NAA11: variants seen among roughly 807,000 people sequenced by gnomAD.
NAA11 encodes N-alpha-acetyltransferase 11, NatA catalytic subunit.
In NAA11, 15 loss-of-function variants were observed where a neutral mutation model predicts 16.1. The observed-to-expected ratio is 0.93, with a 90% CI of 0.62 to 1.44. The LOEUF is 1.44. NAA11 is among the 40% of genes most tolerant of loss of function. The pLI is 0.00. For synonymous variants in NAA11, 122 were observed against 112.4 expected (o/e 1.09, Z -0.54); for missense variants, 298 against 291.3 (o/e 1.02, Z -0.17).
chr4:79,283,398 G>A (rs1722839526), intron 2 of NAA11, among the ~76,000 whole-genome samples: 1 of 152,006 alleles, frequency 6.6e-6, no homozygotes, highest in African/African-American at 2.4e-5. Flanking sequence ...GGAAAGTGGT[G>A]GAGTGTACAG....
chr4:79,267,153 A>G (rs1417649201), intron 2 of NAA11, among the ~76,000 whole-genome samples: 1 of 152,204 alleles, frequency 6.6e-6, no homozygotes, highest in Non-Finnish European at 1.5e-5. Context: ...AAGCAAATTC[A>G]TTTACGTAGT....
At chr4:79,305,112 G>T (rs1476452649) in intron 1 of NAA11, 1 of 152,104 alleles carries the variant, frequency 6.6e-6, no homozygotes, top group Non-Finnish European at 1.5e-5. Flanking sequence ...GATGTTCTTT[G>T]GTTCTTCATG....
the NAA11 span, among the ~76,000 whole-genome samples, chr4:79,175,621 GT>G: frequency 6.6e-6 from 1 of 151,518 alleles, no homozygotes; most frequent in Non-Finnish European, 1.5e-5. Flanking sequence ...AACCCATGCA[GT>G]TTTCAGCCAT....
chr4:79,206,689 C>T, the NAA11 span, among the ~76,000 whole-genome samples: 2 of 152,086 alleles, frequency 1.3e-5, no homozygotes, highest in Non-Finnish European at 2.9e-5. Flanking sequence ...AAGTTGCTAG[C>T]CAGTCAAGAC....
chr4:79,304,848 G>C (rs961501799), intron 1 of NAA11, among the ~76,000 whole-genome samples: 1 of 152,132 alleles, frequency 6.6e-6, no homozygotes, highest in Non-Finnish European at 1.5e-5. Flanking sequence ...AGTATCTTGA[G>C]TATGCTATAC....
intron 2 of NAA11, among the ~76,000 whole-genome samples, chr4:79,283,638 G>A (rs1001528426): frequency 2.0e-5 from 3 of 152,056 alleles, no homozygotes; most frequent in African/African-American, 7.2e-5. Context: ...ATCTCTAAGG[G>A]TATGTGCTAA....
At chr4:79,244,631 TC>T (rs1721764253) in intron 2 of NAA11, 2 of 32,538 alleles carry the variant, frequency 6.1e-5, no homozygotes, top group Non-Finnish European at 1.4e-4. Flanking sequence ...CCCCTCCCCC[TC>T]CCCCTCCCCG....
chr4:79,176,986 A>G, the NAA11 span, among the ~76,000 whole-genome samples: 2 of 152,136 alleles, frequency 1.3e-5, no homozygotes, highest in African/African-American at 2.4e-5. Flanking sequence ...GGAGCTTCCT[A>G]TATTAGTGGA....
At chr4:79,232,410 C>A (rs1721487257) in intron 2 of NAA11, among the ~76,000 whole-genome samples, 1 of 151,892 alleles carries the variant, frequency 6.6e-6, no homozygotes. Context: ...ACACATAATG[C>A]CTTCCATAAC....
chr4:79,298,361 C>T (rs191070297), intron 1 of NAA11, among the ~76,000 whole-genome samples: 2 of 152,304 alleles, frequency 1.3e-5, no homozygotes, highest in African/African-American at 2.4e-5. Context: ...TGCCAGGTTG[C>T]GGGAGAAGAA....
At chr4:79,164,030 G>A in the NAA11 span, among the ~76,000 whole-genome samples, 3 of 151,778 alleles carry the variant, frequency 2.0e-5, no homozygotes, top group Non-Finnish European at 4.4e-5. Context: ...TTATCTCTTT[G>A]CTGATATTAC....
chr4:79,278,609 G>T lies in NAA11; in HGVS notation c.*122+15396C>A, dbSNP rs542517347. Among the ~76,000 whole-genome samples the T allele has an allele frequency of 7.9e-5, 12 of 152,142 alleles. No individual in the cohort carries two copies. The South Asian group carries it at 2.5e-3, about 32-fold the overall frequency. On this transcript the variant is annotated intron_variant and NMD_transcript_variant, in intron 2 of 2. Transcript: ENST00000511542. The stretch of plus-strand genomic sequence containing the variant: ...AGGAAGCCCTTCTAGACCACTCAGG[G>T]CATAATAGTGTTCTTTTCCCTGTGT...
intron 2 of NAA11, among the ~76,000 whole-genome samples, chr4:79,234,670 G>T (rs1721532882): frequency 6.6e-6 from 1 of 152,064 alleles, no homozygotes; most frequent in African/African-American, 2.4e-5. Context: ...AGATGATATT[G>T]TTAAGGGTGC....
the NAA11 span, among the ~76,000 whole-genome samples, chr4:79,216,237 C>A: frequency 0.12 from 18,549 of 151,886 alleles, 1,393 homozygotes; most frequent in African/African-American, 0.2. Flanking sequence ...GAAAATAAAA[C>A]CATCCAGAGT....
At chr4:79,226,891 G>A (rs1235470696) in intron 2 of NAA11, among the ~76,000 whole-genome samples, 2 of 152,000 alleles carry the variant, frequency 1.3e-5, no homozygotes, top group Non-Finnish European at 1.5e-5. Context: ...GTAAACATAC[G>A]TATGCATGAG....
intron 2 of NAA11, among the ~76,000 whole-genome samples, chr4:79,282,836 G>A (rs1347710410): frequency 6.6e-6 from 1 of 152,062 alleles, no homozygotes; most frequent in African/African-American, 2.4e-5. Flanking sequence ...GGATGAAATT[G>A]CCTAGTAAGA....
At chr4:79,236,871 T>C (rs969758360) in intron 2 of NAA11, among the ~76,000 whole-genome samples, 2 of 152,150 alleles carry the variant, frequency 1.3e-5, no homozygotes, top group Non-Finnish European at 1.5e-5. Flanking sequence ...TGGTGCATAG[T>C]CCACCATCTG....
intron 1 of NAA11, among the ~76,000 whole-genome samples, chr4:79,319,257 CAA>C (rs1419230827): frequency 2.0e-5 from 3 of 152,076 alleles, no homozygotes; most frequent in African/African-American, 7.2e-5. Flanking sequence ...TTATTAAGTT[CAA>C]AGTTTTACAT....
the NAA11 span, among the ~76,000 whole-genome samples, chr4:79,161,761 A>G: frequency 1.3e-5 from 2 of 149,380 alleles, no homozygotes; most frequent in East Asian, 2.0e-4. Context: ...TGCAACCTCC[A>G]CCTCCCGGCC....
Sources: allele counts gnomAD v4.1 joint callset (sites outside exome capture counted in the v4.1 genomes callset), GRCh38; gene constraint gnomAD v4.1.1; transcripts MANE v1.5; gene names NCBI Gene and HGNC (gene_info 2026-07-23, HGNC 2026-07-21).